Variants in ADAMTSL1 observed in about 807,000 individuals in gnomAD.
ADAMTSL1 encodes the protein ADAMTS like 1.
Under a neutral mutation model 201.8 loss-of-function variants are expected in ADAMTSL1, and 126 were observed. The observed-to-expected ratio is 0.62, with a 90% CI of 0.54 to 0.72. ADAMTSL1 has a LOEUF of 0.72. Among genes scored for constraint, ADAMTSL1 ranks in the 30% least tolerant of loss-of-function variants. ADAMTSL1 has a pLI of 0.00. For missense variants in ADAMTSL1, 2,679 were observed against 2,277.8 expected, an observed-to-expected ratio of 1.18 and a Z score of -3.59; for synonymous variants, 1,121 against 903.4, an observed-to-expected ratio of 1.24 and a Z score of -4.32.
rs750969735 is a variant in ADAMTSL1 at position 18,680,353 on chromosome 9, G to T, written c.1178G>T (p.Gly393Val). 7 of 1,613,960 alleles carry T rather than the reference G, an allele frequency of 4.3e-6. No individual in the cohort carries two copies. Among genetic ancestry groups the T allele is most frequent in the Admixed American group, 3.3e-5 (2 of 59,984 alleles). Reference sequence around the variant, plus strand: ...TGGACCGCGTGCTCCTCCTCGTGTGGGGGGGGCATCCAGAGCCGGGCAGTT... The same window carrying T: ...TGGACCGCGTGCTCCTCCTCGTGTGTGGGGGGCATCCAGAGCCGGGCAGTT... Reference protein sequence around the residue: ...TPWTACSSSCGGGIQSRAVSC... With the variant: ...TPWTACSSSCVGGIQSRAVSC... The change falls in exon 11 of 29, where the codon GGG (glycine) becomes GTG (valine). Residue 393 changes from glycine to valine, a missense_variant. By Grantham distance (109) the Gly-to-Val change is moderately radical (BLOSUM62 -3). Transcript: ENST00000380548.
chr9:18,008,176 A>G (rs1340856520), intron 1 of ADAMTSL1, among the ~76,000 whole-genome samples: 1 of 151,938 alleles, frequency 6.6e-6, no homozygotes, highest in East Asian at 1.9e-4. Flanking sequence ...GAGGCAATTT[A>G]CTCCTGTGTG....
At position 18,127,736 on chromosome 9, in the gene ADAMTSL1, G is replaced by A. The variant is rs767862971; in HGVS notation, c.88-36126G>A. Among the ~76,000 whole-genome samples the A allele has an allele frequency of 1.1e-4, 16 of 152,242 alleles. No individual in the cohort carries two copies. In the East Asian group the frequency reaches 1.6e-3, roughly 15 times the overall value. ...TGGGAATGGGTGGGGAAAAAGGGGA[G>A]GTGTGTGTTGGTTTGGCAGCACACA... On this transcript the variant is annotated intron_variant, in intron 1 of 29. Coordinates refer to the ADAMTSL1 transcript ENST00000680146.
intron 1 of ADAMTSL1, among the ~76,000 whole-genome samples, chr9:17,927,999 T>A (rs4007671): frequency 8.0e-6 from 1 of 125,036 alleles, no homozygotes; most frequent in Non-Finnish European, 1.7e-5. Flanking sequence ...TTCTTTCTTT[T>A]TTTTTTTTTT....
chr9:18,551,823 G>A (rs1009133500), intron 3 of ADAMTSL1, among the ~76,000 whole-genome samples: 7 of 151,634 alleles, frequency 4.6e-5, no homozygotes, highest in Admixed American at 1.3e-4. Context: ...CTTTCTTCTC[G>A]AATAGTTGTG....
At chr9:18,865,375 A>C (rs1460763661) in intron 23 of ADAMTSL1, among the ~76,000 whole-genome samples, 2 of 152,096 alleles carry the variant, frequency 1.3e-5, no homozygotes, top group Non-Finnish European at 2.9e-5. Flanking sequence ...TGAACTCATC[A>C]TTTTTTATGG....
intron 1 of ADAMTSL1, among the ~76,000 whole-genome samples, chr9:18,032,741 T>C (rs1233826766): frequency 6.6e-6 from 1 of 152,176 alleles, no homozygotes; most frequent in East Asian, 1.9e-4. Context: ...CCCTTGCCAA[T>C]GCAAATGTCT....
At chr9:18,459,830 G>A (rs1279326771) in intron 2 of ADAMTSL1, among the ~76,000 whole-genome samples, 1 of 152,128 alleles carries the variant, frequency 6.6e-6, no homozygotes, top group Admixed American at 6.6e-5. Context: ...TTCCCATTTG[G>A]TTTTAAACCA....
chr9:18,635,315 C>A (rs1279978565), intron 5 of ADAMTSL1, among the ~76,000 whole-genome samples: 1 of 151,878 alleles, frequency 6.6e-6, no homozygotes, highest in African/African-American at 2.4e-5. Context: ...GAAAAGAAAT[C>A]TATTATAAAG....
intron 2 of ADAMTSL1, among the ~76,000 whole-genome samples, chr9:18,400,968 C>G (rs1305864285): frequency 6.6e-6 from 1 of 152,066 alleles, no homozygotes; most frequent in African/African-American, 2.4e-5. Context: ...TAAATCTACC[C>G]TAAGTTTAAA....
At chr9:18,680,247 G>T in intron 10 of ADAMTSL1, 65 bp from the exon 11 acceptor site, 2 of 1,509,058 alleles carry the variant, frequency 1.3e-6, no homozygotes, top group Non-Finnish European at 9.1e-7. Context: ...TGGGTTGGTG[G>T]ACCAGTCACT....
intron 1 of ADAMTSL1, among the ~76,000 whole-genome samples, chr9:17,973,291 G>C (rs1818292699): frequency 7.5e-6 from 1 of 134,046 alleles, no homozygotes; most frequent in Non-Finnish European, 1.6e-5. Flanking sequence ...GGTTTTTATA[G>C]TTTTAGGTCT....
At chr9:18,282,041 C>T (rs1434309053) in intron 2 of ADAMTSL1, among the ~76,000 whole-genome samples, 1 of 152,112 alleles carries the variant, frequency 6.6e-6, no homozygotes, top group Non-Finnish European at 1.5e-5. Flanking sequence ...GGGGATTGGG[C>T]TTCTAGTGTA....
chr9:18,646,795 A>T (rs150979841), intron 7 of ADAMTSL1, among the ~76,000 whole-genome samples: 25,696 of 151,916 alleles, frequency 0.17, 2,347 homozygotes, highest in Middle Eastern at 0.23. Flanking sequence ...GTTTGCCAGT[A>T]TTTTATTGAG....
intron 20 of ADAMTSL1, among the ~76,000 whole-genome samples, chr9:18,802,696 A>AT (rs551675074): frequency 1.2e-3 from 183 of 152,224 alleles, no homozygotes; most frequent in Middle Eastern, 3.4e-3. Context: ...ATGTGGACAT[A>AT]TTTTTTATTT....
intron 1 of ADAMTSL1, among the ~76,000 whole-genome samples, chr9:17,933,271 C>T (rs969074078): frequency 6.6e-6 from 1 of 152,166 alleles, no homozygotes; most frequent in African/African-American, 2.4e-5. Flanking sequence ...CTCTCTGCTT[C>T]TGCCTTTATA....
intron 5 of ADAMTSL1, 136 bp from the exon 6 acceptor site, chr9:18,635,807 T>C: frequency 1.5e-6 from 1 of 654,210 alleles, no homozygotes; most frequent in Non-Finnish European, 2.6e-6. Flanking sequence ...GATTTCTAAA[T>C]ATTGGCCTTC....
intron 2 of ADAMTSL1, among the ~76,000 whole-genome samples, chr9:18,204,498 C>T (rs1829572168): frequency 6.6e-6 from 1 of 152,094 alleles, no homozygotes; most frequent in Non-Finnish European, 1.5e-5. Context: ...GGCAGTTCTT[C>T]ATAGTAGTAT....
At chr9:17,949,903 T>C (rs1342581592) in intron 1 of ADAMTSL1, among the ~76,000 whole-genome samples, 1 of 152,120 alleles carries the variant, frequency 6.6e-6, no homozygotes, top group African/African-American at 2.4e-5. Flanking sequence ...ACCTCAAATT[T>C]TGTTACATGC....
intron 4 of ADAMTSL1, among the ~76,000 whole-genome samples, chr9:18,617,028 A>G (rs542194851): frequency 6.6e-6 from 1 of 152,298 alleles, no homozygotes; most frequent in South Asian, 2.1e-4. Context: ...TCAGATTTGC[A>G]CAGTTTAGTT....
Sources: allele counts gnomAD v4.1 joint callset (sites outside exome capture counted in the v4.1 genomes callset), GRCh38; gene constraint gnomAD v4.1.1; transcripts MANE v1.5; gene names NCBI Gene and HGNC (gene_info 2026-07-23, HGNC 2026-07-21).